The following WWC2 variants were observed in gnomAD, a reference collection of about 807,000 sequenced individuals.
WWC2 encodes the protein protein WWC2.
WWC2 carries 101 observed loss-of-function variants against 138.5 expected under a neutral mutation model. That is an observed-to-expected ratio of 0.73 (90% CI 0.62 to 0.86). WWC2 has a LOEUF of 0.86. WWC2 is among the 40% of genes least tolerant of loss of function. The pLI, the probability that WWC2 is intolerant of heterozygous loss-of-function variation, is 0.00. For synonymous variants in WWC2, 558 were observed against 538.4 expected (o/e 1.04, Z -0.50); for missense variants, 1,420 against 1,419.4 (o/e 1.00, Z -0.01).
chr4:183,168,788 T>G (rs1580007072), intron 1 of WWC2, among the ~76,000 whole-genome samples: 1 of 152,274 alleles, frequency 6.6e-6, no homozygotes. Flanking sequence ...TTATGGCATG[T>G]GAATACAAGA....
intron 1 of WWC2, among the ~76,000 whole-genome samples, chr4:183,186,673 G>T (rs1412809088): frequency 1.3e-5 from 2 of 152,152 alleles, no homozygotes; most frequent in Non-Finnish European, 2.9e-5. Flanking sequence ...CAGGAGACTG[G>T]CAGGCTAGCC....
intron 14 of WWC2, among the ~76,000 whole-genome samples, chr4:183,266,187 C>CT (rs1254307020): frequency 2.0e-5 from 3 of 152,254 alleles, no homozygotes; most frequent in South Asian, 2.1e-4. Context: ...CATTTAATCT[C>CT]TTTTTTGTAA....
chr4:183,186,039 C>G (rs1734790081), intron 1 of WWC2, among the ~76,000 whole-genome samples: 1 of 151,356 alleles, frequency 6.6e-6, no homozygotes, highest in African/African-American at 2.4e-5. Context: ...GCTCCATCTC[C>G]CGGGTTCACG....
At position 183,284,141 on chromosome 4, in the gene WWC2, T is replaced by C. The variant is rs1418066596; in HGVS notation, c.2884-85T>C. 2.6e-6 allele frequency: 4 copies of C among 1,518,942 alleles called. No individual in the cohort carries two copies. The East Asian group carries it at 9.1e-5, about 34-fold the overall frequency. 94.1% of individuals were successfully genotyped at this position (1,518,942 alleles called of 1,614,324 possible). A position where few individuals can be genotyped will look rare whatever the true frequency, so the allele number is the denominator to read the frequency against. The stretch of plus-strand genomic sequence containing the variant: ...TGCTCCATGAGTCTCTGTTGTAACA[T>C]TAGATATTTTTTCTTTCTTAGAAGA... On this transcript the variant is annotated intron_variant, in intron 18 of 22. Transcript: ENST00000403733.
At chr4:183,199,527 A>G (rs888878690) in intron 2 of WWC2, among the ~76,000 whole-genome samples, 1 of 152,164 alleles carries the variant, frequency 6.6e-6, no homozygotes, top group Non-Finnish European at 1.5e-5. Flanking sequence ...ATTTTTCCAA[A>G]CCCTGTAGTA....
rs1192297768 is a variant in WWC2 at position 183,231,258 on chromosome 4, C to CTTT, written c.523-8898_523-8896dup. 2.4e-3 allele frequency among the ~76,000 whole-genome samples: 179 copies of CTTT among 75,334 alleles called. 21 individuals are homozygous for CTTT. Among genetic ancestry groups the CTTT allele is most frequent in the Non-Finnish European group, 2.9e-3 (113 of 39,404 alleles). 49.4% of individuals were successfully genotyped at this position (75,334 alleles called of 152,430 possible). On this transcript the variant is annotated intron_variant, in intron 4 of 22. Coordinates refer to ENST00000403733, the MANE Select transcript of WWC2 (RefSeq NM_024949.6). ...ATTATTCCAACAGATACAGTGAAAG[C>CTTT]TTTTTTTTTTTTTTTTTTTTTTTTT...
At chr4:183,208,880 G>A in intron 3 of WWC2, 69 bp from the exon 4 acceptor site, 2 of 1,108,616 alleles carry the variant, frequency 1.8e-6, no homozygotes, top group Non-Finnish European at 2.6e-6. Context: ...TTTAGCTTCA[G>A]TAAATTCTAA....
chr4:183,218,277 G>C (rs1735812804), intron 4 of WWC2, among the ~76,000 whole-genome samples: 2 of 151,914 alleles, frequency 1.3e-5, no homozygotes, highest in South Asian at 4.2e-4. Context: ...AACATCACTA[G>C]TCATTAGGGA....
intron 5 of WWC2, among the ~76,000 whole-genome samples, chr4:183,240,961 G>A (rs1408546026): frequency 1.3e-5 from 2 of 152,156 alleles, no homozygotes; most frequent in African/African-American, 2.4e-5. Flanking sequence ...TCTCCCTGCT[G>A]CTGAGGCCCA....
chr4:183,282,275 G>A (rs980691856), intron 17 of WWC2, among the ~76,000 whole-genome samples: 6 of 152,162 alleles, frequency 3.9e-5, no homozygotes, highest in Admixed American at 6.5e-5. Context: ...CTCCCTGCTC[G>A]ACTGTGAGTA....
At chr4:183,285,941 T>A in intron 19 of WWC2, 26 bp from the exon 20 acceptor site, 2 of 1,556,922 alleles carry the variant, frequency 1.3e-6, no homozygotes. Context: ...ATGCAGTGAT[T>A]TTTTTTTTAA....
At position 183,271,079 on chromosome 4, in the gene WWC2, G is replaced by A; in HGVS notation, c.2401-1G>A. 6.4e-7 allele frequency: 1 copy of A among 1,559,476 alleles called. No individual in the cohort carries two copies. The highest frequency in any genetic ancestry group is 8.7e-7 in the Non-Finnish European group (1 of 1,152,256). On this transcript the variant is annotated splice_acceptor_variant, in intron 15 of 22. Transcript: ENST00000403733. LOFTEE classifies it high-confidence loss of function. ...TTCTTTGTTTTCTTTCACTTACATA[G>A]GCTGGAACTCAGATCAGCCTGGCAG...
chr4:183,211,827 A>C (rs913051953), intron 4 of WWC2, among the ~76,000 whole-genome samples: 1 of 140,696 alleles, frequency 7.1e-6, no homozygotes, highest in Non-Finnish European at 1.6e-5. Context: ...TATCTTTTGG[A>C]TTTTTTTTTT....
rs138385592 is a variant in WWC2 at position 183,152,620 on chromosome 4, C to G, written c.132-40979C>G. On this transcript the variant is annotated intron_variant, in intron 1 of 22. Transcript: ENST00000403733. Reference sequence around the variant, plus strand: ...GGGGTCTTGACCGGGCATGGTGGCTCACACCTGTAATCATAGCACTTTGAG... The same window carrying G: ...GGGGTCTTGACCGGGCATGGTGGCTGACACCTGTAATCATAGCACTTTGAG... Among the ~76,000 whole-genome samples, 665 of 151,644 alleles carry G rather than the reference C, an allele frequency of 4.4e-3. 4 individuals are homozygous for G. Among genetic ancestry groups the G allele is most frequent in the African/African-American group, 0.016 (647 of 41,330 alleles).
chr4:183,166,469 G>A (rs6552648), intron 1 of WWC2, among the ~76,000 whole-genome samples: 149,690 of 152,294 alleles, frequency 0.98, 73,613 homozygotes, highest in Middle Eastern at 1. Flanking sequence ...TGTTTTGTAA[G>A]GTGGAGCCTC....
At chr4:183,271,839 A>G (rs1391743424) in intron 16 of WWC2, among the ~76,000 whole-genome samples, 1 of 152,160 alleles carries the variant, frequency 6.6e-6, no homozygotes, top group African/African-American at 2.4e-5. Context: ...CCCTGTCTCT[A>G]CAAAAATAAC....
intron 21 of WWC2, among the ~76,000 whole-genome samples, chr4:183,297,084 TC>T (rs1181485450): frequency 1.3e-5 from 2 of 151,956 alleles, no homozygotes; most frequent in East Asian, 3.9e-4. Context: ...AAGCAATCCT[TC>T]CACCTCAGTT....
chr4:183,275,151 G>T (rs533204454), intron 16 of WWC2, among the ~76,000 whole-genome samples: 1,559 of 123,802 alleles, frequency 0.013, 22 homozygotes, highest in African/African-American at 0.041. Context: ...TTGCACAGTT[G>T]ATTTTATCTT....
At chr4:183,228,086 C>A (rs1259656749) in intron 4 of WWC2, among the ~76,000 whole-genome samples, 1 of 151,836 alleles carries the variant, frequency 6.6e-6, no homozygotes, top group Admixed American at 6.6e-5. Context: ...CACCTAACAA[C>A]AAAGATACAG....
Sources: gnomAD v4.1 joint callset for allele counts (sites outside exome capture counted in the v4.1 genomes callset) on GRCh38, gnomAD v4.1.1 for gene constraint, MANE v1.5 for transcripts, NCBI Gene and HGNC (gene_info 2026-07-23, HGNC 2026-07-21) for gene names.